SLC35F4: variants seen among roughly 807,000 people sequenced by gnomAD.
SLC35F4 encodes chromosome 14 open reading frame 36.
In SLC35F4, 24 loss-of-function variants were observed where a neutral mutation model predicts 44.2. The ratio of observed to expected loss-of-function variants is 0.54; its 90% CI spans 0.39 to 0.76. The LOEUF (loss-of-function observed/expected upper bound fraction) is 0.76. Ranked by LOEUF, SLC35F4 falls within the 30% of genes least tolerant of loss-of-function variation. The probability of loss-of-function intolerance (pLI) is 0.00; values close to 1 mark genes in which losing one functional copy is unlikely to be tolerated. For synonymous variants in SLC35F4, 238 were observed against 223.6 expected (o/e 1.06, Z -0.57); for missense variants, 562 against 586.1 (o/e 0.96, Z 0.42).
chr14:57,722,731 T>C (rs1424127835), intron 1 of SLC35F4, among the ~76,000 whole-genome samples: 2 of 152,200 alleles, frequency 1.3e-5, no homozygotes, highest in Admixed American at 6.5e-5. Flanking sequence ...ACGGTGTTCC[T>C]AGAAGTGAAA....
chr14:57,696,907 G>A (rs145030404), intron 1 of SLC35F4, among the ~76,000 whole-genome samples: 139 of 152,206 alleles, frequency 9.1e-4, no homozygotes, highest in African/African-American at 2.9e-3. Context: ...ATCACACACC[G>A]GGGCCTGTCC....
intron 1 of SLC35F4, among the ~76,000 whole-genome samples, chr14:57,710,631 C>T (rs2075794439): frequency 6.6e-6 from 1 of 152,122 alleles, no homozygotes; most frequent in East Asian, 1.9e-4. Context: ...GGTGGAGCTG[C>T]CCAAGGCCAT....
intron 1 of SLC35F4, among the ~76,000 whole-genome samples, chr14:57,943,723 T>C (rs550281900): frequency 6.6e-6 from 1 of 152,210 alleles, no homozygotes; most frequent in Non-Finnish European, 1.5e-5. Context: ...TCTGTAATAC[T>C]ATTCGATTCA....
chr14:57,888,319 A>G (rs992114352), intron 1 of SLC35F4, among the ~76,000 whole-genome samples: 1 of 152,214 alleles, frequency 6.6e-6, no homozygotes, highest in African/African-American at 2.4e-5. Context: ...CTTGATATCC[A>G]CATGTCTTCA....
At chr14:57,702,801 C>T (rs550796839) in intron 1 of SLC35F4, among the ~76,000 whole-genome samples, 6 of 152,184 alleles carry the variant, frequency 3.9e-5, no homozygotes, top group Non-Finnish European at 7.4e-5. Context: ...AGTCTAATCC[C>T]CATTTTATGG....
intron 1 of SLC35F4, among the ~76,000 whole-genome samples, chr14:57,742,955 C>A (rs1314066304): frequency 6.6e-6 from 1 of 152,150 alleles, no homozygotes. Context: ...ATGTGAACAA[C>A]CTGCTCCTGA....
At chr14:57,590,636 A>G (rs2070113941) in intron 2 of SLC35F4, among the ~76,000 whole-genome samples, 2 of 152,340 alleles carry the variant, frequency 1.3e-5, no homozygotes, top group African/African-American at 2.4e-5. Context: ...ACAAGTTAAC[A>G]TAATGAATTC....
intron 4 of SLC35F4, among the ~76,000 whole-genome samples, chr14:57,572,962 T>C (rs957389467): frequency 6.6e-6 from 1 of 152,124 alleles, no homozygotes; most frequent in Non-Finnish European, 1.5e-5. Flanking sequence ...CAGATGAAAA[T>C]TGGTGAGAAA....
chr14:57,835,010 C>A (rs6573172), intron 1 of SLC35F4, among the ~76,000 whole-genome samples: 1 of 152,054 alleles, frequency 6.6e-6, no homozygotes, highest in South Asian at 2.1e-4. Context: ...GCCTGGGTAA[C>A]AGAGGGAGAC....
intron 1 of SLC35F4, among the ~76,000 whole-genome samples, chr14:57,826,363 C>A (rs554647211): frequency 6.6e-6 from 1 of 152,086 alleles, no homozygotes; most frequent in Non-Finnish European, 1.5e-5. Context: ...AAAATTACCT[C>A]AAGATGGATT....
chr14:57,608,816 G>C (rs982237121), intron 1 of SLC35F4, among the ~76,000 whole-genome samples: 3 of 145,166 alleles, frequency 2.1e-5, no homozygotes, highest in Admixed American at 6.8e-5. Context: ...GAGAGAAACA[G>C]GAAATTATAA....
At chr14:57,669,266 T>TA (rs1161239675) in intron 1 of SLC35F4, among the ~76,000 whole-genome samples, 3 of 151,960 alleles carry the variant, frequency 2.0e-5, no homozygotes, top group Non-Finnish European at 4.4e-5. Flanking sequence ...TACAATCATG[T>TA]CAACTGCAAA....
chr14:57,877,532 A>G (rs28785279), intron 1 of SLC35F4, among the ~76,000 whole-genome samples: 28,765 of 152,080 alleles, frequency 0.19, 6,048 homozygotes, highest in African/African-American at 0.52. Flanking sequence ...GGGATTGCTC[A>G]ATCAAATGGT....
At chr14:57,582,780 A>T (rs238390) in intron 3 of SLC35F4, among the ~76,000 whole-genome samples, 25 of 152,122 alleles carry the variant, frequency 1.6e-4, no homozygotes, top group African/African-American at 4.6e-4. Flanking sequence ...AACTGAAATT[A>T]GTGTGCCTCA....
At chr14:57,686,190 G>A (rs944708968) in intron 1 of SLC35F4, among the ~76,000 whole-genome samples, 1 of 152,104 alleles carries the variant, frequency 6.6e-6, no homozygotes, top group African/African-American at 2.4e-5. Flanking sequence ...ATATTACTGG[G>A]TCATTATTTC....
chr14:57,957,845 ATGAGT>A (rs1195482527), intron 1 of SLC35F4, among the ~76,000 whole-genome samples: 1 of 152,168 alleles, frequency 6.6e-6, no homozygotes, highest in Non-Finnish European at 1.5e-5. Context: ...ATCTATCTGA[ATGAGT>A]TATTTTTAGG....
chr14:57,803,029 G>A (rs540339753), intron 1 of SLC35F4, among the ~76,000 whole-genome samples: 3 of 143,650 alleles, frequency 2.1e-5, no homozygotes, highest in Admixed American at 6.9e-5. Context: ...CAATATCCTT[G>A]ATGAACATCG....
chr14:57,650,952 A>C (rs1046609917), intron 1 of SLC35F4, among the ~76,000 whole-genome samples: 4 of 152,068 alleles, frequency 2.6e-5, no homozygotes, highest in African/African-American at 9.7e-5. Context: ...ACCAAATACC[A>C]CCTTCTAAGA....
chr14:57,921,940 A>C (rs999697308), intron 1 of SLC35F4, among the ~76,000 whole-genome samples: 2 of 152,190 alleles, frequency 1.3e-5, no homozygotes, highest in Admixed American at 1.3e-4. Context: ...AAAAATGTTA[A>C]CTGCTGATTT....
Sources: gnomAD v4.1 joint callset for allele counts (sites outside exome capture counted in the v4.1 genomes callset) on GRCh38, gnomAD v4.1.1 for gene constraint, MANE v1.5 for transcripts, NCBI Gene and HGNC (gene_info 2026-07-23, HGNC 2026-07-21) for gene names.